BEND7: variants seen among roughly 807,000 people sequenced by gnomAD.
BEND7 encodes the protein BEN domain containing 7, also known as BEN domain-containing protein 7.
BEND7 carries 28 observed loss-of-function variants against 50.9 expected under a neutral mutation model. The observed-to-expected ratio is 0.55, with a 90% CI of 0.41 to 0.75. The LOEUF (loss-of-function observed/expected upper bound fraction) is 0.75, where lower values mean the gene tolerates loss of function less well. Ranked by LOEUF, BEND7 falls within the 30% of genes least tolerant of loss-of-function variation. The pLI is 0.00. For synonymous variants in BEND7, 170 were observed against 183.9 expected, an observed-to-expected ratio of 0.92 and a Z score of 0.61; for missense variants, 477 against 491.3, an observed-to-expected ratio of 0.97 and a Z score of 0.28.
At chr10:13,449,914 A>C (rs1837320325) in intron 7 of BEND7, among the ~76,000 whole-genome samples, 1 of 152,236 alleles carries the variant, frequency 6.6e-6, no homozygotes, top group South Asian at 2.1e-4. Flanking sequence ...ACAAGCTCAC[A>C]GTCTTTCTTC....
chr10:13,520,009 G>C (rs575607796), intron 2 of BEND7, among the ~76,000 whole-genome samples: 48 of 152,270 alleles, frequency 3.2e-4, no homozygotes, highest in African/African-American at 9.9e-4. Flanking sequence ...GGGCGGTTTA[G>C]AAACAGACAG....
chr10:13,521,892 T>C (rs2079102563), intron 2 of BEND7, among the ~76,000 whole-genome samples: 1 of 152,162 alleles, frequency 6.6e-6, no homozygotes, highest in Non-Finnish European at 1.5e-5. Flanking sequence ...CTTGTAAAAG[T>C]GCAGAGGAAT....
At chr10:13,518,493 A>AT (rs1184056606) in intron 2 of BEND7, among the ~76,000 whole-genome samples, 1 of 152,252 alleles carries the variant, frequency 6.6e-6, no homozygotes, top group Non-Finnish European at 1.5e-5. Context: ...GAAGTCAACA[A>AT]TGTCAACATC....
intron 4 of BEND7, among the ~76,000 whole-genome samples, chr10:13,493,818 T>G (rs2076843288): frequency 2.0e-5 from 3 of 152,212 alleles, no homozygotes; most frequent in Non-Finnish European, 4.4e-5. Flanking sequence ...TAATATAGCT[T>G]CCTAAATATG....
chr10:13,463,362 G>A (rs2073910133), intron 6 of BEND7, among the ~76,000 whole-genome samples: 1 of 152,176 alleles, frequency 6.6e-6, no homozygotes, highest in Admixed American at 6.5e-5. Context: ...AGTGCAGAGG[G>A]CATGACCTAT....
At chr10:13,491,565 T>C (rs2076665441) in intron 5 of BEND7, among the ~76,000 whole-genome samples, 1 of 150,942 alleles carries the variant, frequency 6.6e-6, no homozygotes, top group South Asian at 2.1e-4. Context: ...TGTTTATAGA[T>C]TTCAAAAAAA....
intron 6 of BEND7, among the ~76,000 whole-genome samples, chr10:13,480,160 A>G (rs1376604494): frequency 6.6e-6 from 1 of 152,232 alleles, no homozygotes; most frequent in Admixed American, 6.5e-5. Context: ...TATTTCCTAA[A>G]GTTACACTCA....
At chr10:13,440,620 G>GCGGCGGGGGGCAGGTGCC (rs376044025), downstream of BEND7, among the ~76,000 whole-genome samples, 38 of 152,386 alleles carry the variant, frequency 2.5e-4, no homozygotes, top group African/African-American at 8.9e-4. Context: ...CCCGCGGGAG[G>GCGGCGGGGGGCAGGTGCC]CGGCGGGGGG....
chr10:13,480,675 T>TA, intron 6 of BEND7: 1 of 985,284 alleles, frequency 1.0e-6, no homozygotes, highest in Non-Finnish European at 1.2e-6. Flanking sequence ...AACTGGCTCT[T>TA]AAATTATTAT....
intron 2 of BEND7, 42 bp from the exon 3 acceptor site, chr10:13,500,122 A>T: frequency 6.9e-7 from 1 of 1,441,176 alleles, no homozygotes; most frequent in Non-Finnish European, 9.4e-7. Context: ...AAATTAGTGA[A>T]AGAGAAAACA....
chr10:13,448,699 T>A (rs1328749379), intron 7 of BEND7, among the ~76,000 whole-genome samples: 1 of 152,058 alleles, frequency 6.6e-6, no homozygotes, highest in East Asian at 1.9e-4. Context: ...CTAGGTTGGA[T>A]TAGATTAGCA....
intron 7 of BEND7, among the ~76,000 whole-genome samples, chr10:13,449,061 C>T (rs1010256954): frequency 4.6e-5 from 7 of 151,208 alleles, no homozygotes; most frequent in South Asian, 2.1e-4. Context: ...GATTAAGATT[C>T]TGGAAACAGG....
At chr10:13,502,883 G>A (rs753998152) in intron 2 of BEND7, 8 of 985,328 alleles carry the variant, frequency 8.1e-6, no homozygotes, top group African/African-American at 3.5e-5. Flanking sequence ...GTCCATGCCA[G>A]CTTGCTTCTC....
intron 4 of BEND7, among the ~76,000 whole-genome samples, chr10:13,494,644 C>T (rs573440083): frequency 1.3e-5 from 2 of 152,348 alleles, no homozygotes; most frequent in African/African-American, 4.8e-5. Context: ...GAATAATGAT[C>T]ACGATGGTCT....
chr10:13,473,838 C>G (rs927411565), intron 6 of BEND7, among the ~76,000 whole-genome samples: 1 of 151,046 alleles, frequency 6.6e-6, no homozygotes, highest in Non-Finnish European at 1.5e-5. Context: ...CTGTTAGACT[C>G]GGGGTTGATA....
At chr10:13,455,698 C>A (rs977493907) in intron 6 of BEND7, among the ~76,000 whole-genome samples, 1 of 152,128 alleles carries the variant, frequency 6.6e-6, no homozygotes, top group African/African-American at 2.4e-5. Flanking sequence ...GAGGGGCTGC[C>A]TCCAACAGAA....
intron 2 of BEND7, among the ~76,000 whole-genome samples, chr10:13,515,410 T>C (rs1446019844): frequency 2.6e-5 from 4 of 152,310 alleles, no homozygotes; most frequent in African/African-American, 9.6e-5. Context: ...GTAAAAAACA[T>C]TGTAAACCCC....
chr10:13,521,552 T>G (rs979403697), intron 2 of BEND7, among the ~76,000 whole-genome samples: 1 of 152,118 alleles, frequency 6.6e-6, no homozygotes, highest in Non-Finnish European at 1.5e-5. Flanking sequence ...AAGGACACAG[T>G]GGGGCCAGGG....
At chr10:13,504,215 C>T (rs1383596961) in intron 2 of BEND7, among the ~76,000 whole-genome samples, 2 of 152,184 alleles carry the variant, frequency 1.3e-5, no homozygotes, top group African/African-American at 4.8e-5. Flanking sequence ...GAGTGTGGTG[C>T]AGTGTTAGTG....
Sources: allele counts gnomAD v4.1 joint callset (sites outside exome capture counted in the v4.1 genomes callset), GRCh38; gene constraint gnomAD v4.1.1; transcripts MANE v1.5; gene names NCBI Gene and HGNC (gene_info 2026-07-23, HGNC 2026-07-21).